The following DOCK4 variants were observed in gnomAD, a reference collection of about 807,000 sequenced individuals.
DOCK4 encodes the protein dedicator of cytokinesis protein 4.
In DOCK4, 97 loss-of-function variants were observed where a neutral mutation model predicts 268.1. The ratio of observed to expected loss-of-function variants is 0.36; its 90% confidence interval spans 0.31 to 0.43. The LOEUF (loss-of-function observed/expected upper bound fraction) is 0.43, where lower values mean the gene tolerates loss of function less well. DOCK4 is among the 20% of genes least tolerant of loss of function. The pLI, the probability that DOCK4 is intolerant of heterozygous loss-of-function variation, is 1.00. For missense variants in DOCK4, 2,145 were observed against 2,455.7 expected, an observed-to-expected ratio of 0.87 and a Z score of 2.67; for synonymous variants, 954 against 887.2, an observed-to-expected ratio of 1.08 and a Z score of -1.34.
At chr7:111,887,519 G>A (rs1039943993) in intron 16 of DOCK4, among the ~76,000 whole-genome samples, 1 of 152,104 alleles carries the variant, frequency 6.6e-6, no homozygotes, top group Non-Finnish European at 1.5e-5. Flanking sequence ...GCCAAGGAGT[G>A]TGGGATTTTC....
chr7:111,817,147 C>A (rs1182425120), intron 27 of DOCK4, among the ~76,000 whole-genome samples: 1 of 152,198 alleles, frequency 6.6e-6, no homozygotes, highest in African/African-American at 2.4e-5. Flanking sequence ...TCACAACTCA[C>A]CTGGAGGAGA....
intron 1 of DOCK4, among the ~76,000 whole-genome samples, chr7:112,109,806 G>A (rs1381765797): frequency 6.7e-6 from 1 of 149,646 alleles, no homozygotes; most frequent in Non-Finnish European, 1.5e-5. Flanking sequence ...GTGCAGTGGC[G>A]GGATCTCGGC....
intron 1 of DOCK4, among the ~76,000 whole-genome samples, chr7:112,069,684 G>A (rs144646912): frequency 1.6e-4 from 24 of 152,176 alleles, no homozygotes; most frequent in African/African-American, 5.3e-4. Context: ...GTGGATATAC[G>A]GTGACAAGAG....
intron 12 of DOCK4, among the ~76,000 whole-genome samples, chr7:111,917,956 GTC>G (rs1282433831): frequency 6.6e-6 from 1 of 152,186 alleles, no homozygotes; most frequent in Non-Finnish European, 1.5e-5. Flanking sequence ...GTAGAGGAAG[GTC>G]TTCCCTTTTA....
At chr7:112,128,240 C>T (rs1813422719) in intron 1 of DOCK4, among the ~76,000 whole-genome samples, 2 of 152,178 alleles carry the variant, frequency 1.3e-5, no homozygotes, top group Admixed American at 1.3e-4. Context: ...CCCTTAAAAA[C>T]TGATCCCTCT....
At chr7:111,791,448 G>GT (rs975655012) in intron 30 of DOCK4, among the ~76,000 whole-genome samples, 13 of 149,906 alleles carry the variant, frequency 8.7e-5, no homozygotes, top group Non-Finnish European at 1.3e-4. Context: ...TCGAGTGTCT[G>GT]TTTTTTTTGT....
chr7:112,072,067 T>C (rs1441724864), intron 1 of DOCK4, among the ~76,000 whole-genome samples: 2 of 152,200 alleles, frequency 1.3e-5, no homozygotes, highest in East Asian at 3.8e-4. Flanking sequence ...TTGAACACCA[T>C]AGCTATTGGG....
chr7:111,762,280 AT>A (rs758559719), intron 39 of DOCK4, among the ~76,000 whole-genome samples: 42 of 152,334 alleles, frequency 2.8e-4, no homozygotes, highest in Admixed American at 5.2e-4. Flanking sequence ...TTTTTAGTAT[AT>A]TTATAGAGTT....
intron 1 of DOCK4, among the ~76,000 whole-genome samples, chr7:112,165,531 T>TGC: frequency 1.7e-5 from 1 of 58,060 alleles, no homozygotes; most frequent in Non-Finnish European, 3.2e-5. Context: ...TACGTGTGTG[T>TGC]GTGTGTGTGT....
At chr7:111,806,591 T>C (rs1335236370) in intron 30 of DOCK4, among the ~76,000 whole-genome samples, 1 of 152,168 alleles carries the variant, frequency 6.6e-6, no homozygotes, top group Middle Eastern at 3.2e-3. Flanking sequence ...CGTCTTAGGA[T>C]TGTGCTAGAG....
In DOCK4 at chr7:111,869,577, C is replaced by T. The variant is rs1806248832; in HGVS notation, c.2106G>A (p.Leu702=). The change falls in exon 21 of 53, where the codon CTG becomes CTA. Residue 702 remains leucine, a synonymous_variant. Transcript: ENST00000428084. ...GTTATCAACAGCATGTTATCACCTT[C>T]AGCACCTCCTGGATATGCTCTTGCC... ...AERQEHIQEV[L]KAQEYIFKYI... The T allele has an allele frequency of 1.2e-6, 2 of 1,613,198 alleles. No individual in the cohort carries two copies. The highest frequency in any genetic ancestry group is 1.1e-5 in the South Asian group (1 of 91,076).
rs17159096 is a variant in DOCK4, at chr7:111,989,898, T to C, written c.316-735A>G. ...ATCTGTACATGGGCAGCACATTCTT[T>C]CTGCAAGGCTGTTTTATGGATTAGT... On this transcript the variant is annotated intron_variant, in intron 5 of 52. Coordinates refer to ENST00000428084, the MANE Select transcript of DOCK4 (RefSeq NM_001363540.2). 1.4e-3 allele frequency among the ~76,000 whole-genome samples: 217 copies of C among 152,328 alleles called. 1 individual carries two copies. Among genetic ancestry groups the C allele is most frequent in the African/African-American group, 4.9e-3 (205 of 41,570 alleles).
chr7:112,130,310 G>C (rs558042902), intron 1 of DOCK4, among the ~76,000 whole-genome samples: 1 of 152,296 alleles, frequency 6.6e-6, no homozygotes, highest in South Asian at 2.1e-4. Flanking sequence ...GGTGCCATCT[G>C]ACAGGTGGTA....
intron 1 of DOCK4, among the ~76,000 whole-genome samples, chr7:112,165,694 A>G (rs1409785389): frequency 6.6e-6 from 1 of 152,104 alleles, no homozygotes; most frequent in African/African-American, 2.4e-5. Context: ...AATATCAAGT[A>G]CATTTCTTAC....
chr7:111,732,380 G>A lies in DOCK4; in HGVS notation c.5420-93C>T, dbSNP rs1047811458. 1.6e-4 allele frequency: 214 copies of A among 1,320,132 alleles called. No individual in the cohort carries two copies. The Middle Eastern group carries it at 1.6e-3, about 10-fold the overall frequency. 81.8% of individuals were successfully genotyped at this position (1,320,132 alleles called of 1,614,324 possible). A position where few individuals can be genotyped will look rare whatever the true frequency, so the allele number is the denominator to read the frequency against. On this transcript the variant is annotated intron_variant, in intron 51 of 52. Coordinates refer to ENST00000428084, the MANE Select transcript of DOCK4 (RefSeq NM_001363540.2). Reference sequence around the variant, plus strand: ...CTCTGTGTTACAAACCCAAACAGATGATCCAGTGCATAAGGACCTTCTAAG... The same window carrying A: ...CTCTGTGTTACAAACCCAAACAGATAATCCAGTGCATAAGGACCTTCTAAG...
intron 12 of DOCK4, among the ~76,000 whole-genome samples, chr7:111,929,092 T>C (rs1793976314): frequency 6.6e-6 from 1 of 152,180 alleles, no homozygotes; most frequent in Admixed American, 6.6e-5. Context: ...AAAAGAAATG[T>C]ATATATGTAT....
chr7:112,163,996 A>G (rs2729555), intron 1 of DOCK4, among the ~76,000 whole-genome samples: 115,916 of 152,186 alleles, frequency 0.76, 45,166 homozygotes, highest in African/African-American at 0.93. Flanking sequence ...CACAGACCCT[A>G]TCTTGGCCAG....
chr7:112,049,289 G>A (rs891426686), intron 1 of DOCK4, among the ~76,000 whole-genome samples: 1 of 152,136 alleles, frequency 6.6e-6, no homozygotes. Context: ...TTGTAATCTT[G>A]TTATGCTACA....
chr7:111,873,124 C>A (rs1000158112), intron 17 of DOCK4, among the ~76,000 whole-genome samples: 2 of 152,188 alleles, frequency 1.3e-5, no homozygotes, highest in African/African-American at 4.8e-5. Flanking sequence ...TTTCTTAGAT[C>A]ATCCAGGGAG....
Sources: gnomAD v4.1 joint callset for allele counts (sites outside exome capture counted in the v4.1 genomes callset) on GRCh38, gnomAD v4.1.1 for gene constraint, MANE v1.5 for transcripts, NCBI Gene and HGNC (gene_info 2026-07-23, HGNC 2026-07-21) for gene names.